The following CRYBG3 variants were observed in gnomAD, a reference collection of about 807,000 sequenced individuals.
CRYBG3 encodes very large A-kinase anchor protein.
In CRYBG3, 127 loss-of-function variants were observed where a neutral mutation model predicts 244.2. That is an observed-to-expected ratio of 0.52 (90% CI 0.45 to 0.60). The LOEUF (loss-of-function observed/expected upper bound fraction) is 0.60, where lower values mean the gene tolerates loss of function less well. Ranked by LOEUF, CRYBG3 falls within the 20% of genes least tolerant of loss-of-function variation. The pLI, the probability that CRYBG3 is intolerant of heterozygous loss-of-function variation, is 0.00. For synonymous variants in CRYBG3, 1,132 were observed against 1,195.8 expected, an observed-to-expected ratio of 0.95 and a Z score of 1.10; for missense variants, 3,325 against 3,442.5, an observed-to-expected ratio of 0.97 and a Z score of 0.85.
chr3:97,914,435 G>A (rs1438941850), intron 16 of CRYBG3, among the ~76,000 whole-genome samples: 3 of 152,068 alleles, frequency 2.0e-5, no homozygotes, highest in Admixed American at 2.0e-4. Context: ...TGAATTCTAG[G>A]ACAAACTAGT....
chr3:97,907,075 C>T (rs1422787900), intron 15 of CRYBG3, among the ~76,000 whole-genome samples: 1 of 152,234 alleles, frequency 6.6e-6, no homozygotes, highest in African/African-American at 2.4e-5. Flanking sequence ...TTGAAACAGC[C>T]TTGCATCCCA....
chr3:97,915,557 T>A (rs774073203), intron 16 of CRYBG3, 53 bp from the exon 17 acceptor site: 1 of 1,568,898 alleles, frequency 6.4e-7, no homozygotes, highest in African/African-American at 1.4e-5. Flanking sequence ...ATAATGAGCC[T>A]ATACTGCCAA....
At chr3:97,893,630 C>T (rs34729093) in intron 11 of CRYBG3, among the ~76,000 whole-genome samples, 36,686 of 152,184 alleles carry the variant, frequency 0.24, 4,756 homozygotes, top group Middle Eastern at 0.33. Context: ...AAGAAACTGT[C>T]CTCATTGTTT....
intron 4 of CRYBG3, among the ~76,000 whole-genome samples, chr3:97,878,981 G>A (rs2039415090): frequency 6.6e-6 from 1 of 152,034 alleles, no homozygotes; most frequent in Admixed American, 6.6e-5. Flanking sequence ...GATGTCCAAG[G>A]CCTGTATTTT....
At chr3:97,868,721 A>G (rs2039266295) in intron 3 of CRYBG3, among the ~76,000 whole-genome samples, 3 of 152,154 alleles carry the variant, frequency 2.0e-5, no homozygotes, top group Admixed American at 1.3e-4. Flanking sequence ...TATTATAGTG[A>G]GTTGAAATTT....
At chr3:97,913,628 T>C (rs1575961959) in intron 16 of CRYBG3, among the ~76,000 whole-genome samples, 1 of 152,180 alleles carries the variant, frequency 6.6e-6, no homozygotes, top group East Asian at 1.9e-4. Context: ...TTATAGGCTG[T>C]TTGAAAACAA....
intron 2 of CRYBG3, among the ~76,000 whole-genome samples, chr3:97,863,100 A>T (rs2039173744): frequency 6.6e-6 from 1 of 152,160 alleles, no homozygotes; most frequent in South Asian, 2.1e-4. Flanking sequence ...CTTATAAAAC[A>T]TTGTCATGTG....
chr3:97,915,885 CTGAGGTTCATTCA>C, intron 17 of CRYBG3, 149 bp downstream of exon 17: 1 of 650,804 alleles, frequency 1.5e-6, no homozygotes. Context: ...AATCGTAAAA[CTGAGGTTCATTCA>C]TGAACTCCAA....
chr3:97,937,461 T>C (rs142658991), intron 19 of CRYBG3, among the ~76,000 whole-genome samples: 24 of 152,238 alleles, frequency 1.6e-4, no homozygotes, highest in African/African-American at 5.8e-4. Context: ...ACTTTTAACA[T>C]GGGCTGCACC....
chr3:97,873,640 G>T lies in CRYBG3; in HGVS notation c.2446G>T (p.Ala816Ser), dbSNP rs2039332798. The change falls in exon 4 of 22, where the codon GCT (alanine) becomes TCT (serine). Residue 816 changes from alanine to serine, a missense_variant. This residue lies in a region of CRYBG3 where 1,526 missense variants were observed against 1,443.2 expected (regional missense o/e 1.06). Transcript: ENST00000389622. ...CAAAACTGCTAACATTGTATCAAAA[G>T]CTGAAATTGATGGTCAGAACAATGT... ...EAKTANIVSK[A>S]EIDGQNNVLV... The T allele has an allele frequency of 6.5e-7, 1 of 1,534,674 alleles. No homozygotes were observed. Among genetic ancestry groups the T allele is most frequent in the African/African-American group, 1.4e-5 (1 of 73,070 alleles).
At chr3:97,900,366 A>G (rs950383374) in intron 14 of CRYBG3, 87 bp from the exon 15 acceptor site, 3 of 854,604 alleles carry the variant, frequency 3.5e-6, no homozygotes, top group Non-Finnish European at 5.6e-6. Context: ...AAAGAAAAAA[A>G]AATTTTTTTC....
chr3:97,877,406 T>C lies in CRYBG3; in HGVS notation c.6212T>C (p.Leu2071Ser). 1 of 1,614,160 alleles carries C rather than the reference T, an allele frequency of 6.2e-7. No individual in the cohort carries two copies. The highest frequency in any genetic ancestry group is 8.5e-7 in the Non-Finnish European group (1 of 1,180,016). The change falls in exon 4 of 22, where the codon TTA becomes TCA. Residue 2071 changes from leucine (L) to serine (S), a missense_variant. Around this residue, in one of 4 missense-constraint regions of CRYBG3, gnomAD observed 450 missense variants for 424.1 expected, o/e 1.06. Transcript: ENST00000389622. Reference protein sequence around the residue: ...TFDSDSSEMFLSVEAKRYKIY... With the variant: ...TFDSDSSEMFSSVEAKRYKIY... ...GATAGTGATAGTTCAGAAATGTTCT[T>C]ATCAGTGGAGGCCAAAAGGTACAAA...
At chr3:97,905,385 T>C (rs10935144) in intron 15 of CRYBG3, among the ~76,000 whole-genome samples, 9 of 151,306 alleles carry the variant, frequency 5.9e-5, no homozygotes, top group African/African-American at 1.2e-4. Flanking sequence ...TCCTATTTCT[T>C]CACATCCTCT....
chr3:97,934,775 C>G (rs1390461770), intron 18 of CRYBG3, among the ~76,000 whole-genome samples: 2 of 152,188 alleles, frequency 1.3e-5, no homozygotes, highest in African/African-American at 4.8e-5. Flanking sequence ...TTTATTCTAT[C>G]TAAGCATAAG....
chr3:97,882,724 G>T (rs1453272774), intron 7 of CRYBG3, among the ~76,000 whole-genome samples: 1 of 152,158 alleles, frequency 6.6e-6, no homozygotes, highest in Non-Finnish European at 1.5e-5. Flanking sequence ...AAACTATCAT[G>T]ATGACTTGGA....
chr3:97,829,643 T>C lies in CRYBG3; in HGVS notation c.149+7288T>C, dbSNP rs143876819. Among the ~76,000 whole-genome samples, 430 of 152,366 alleles carry C rather than the reference T, an allele frequency of 2.8e-3. 1 individual carries two copies. Among genetic ancestry groups the C allele is most frequent in the Middle Eastern group, 0.014 (4 of 294 alleles). On this transcript the variant is annotated intron_variant, in intron 1 of 21. Coordinates refer to ENST00000389622, the MANE Select transcript of CRYBG3 (RefSeq NM_153605.4). ...TTTGGTTAATTCTTCCATGTGATCC[T>C]AACATTTTGGTTATTTGATTTGAAA...
Position 97,872,836 on chromosome 3 carries a change from C to G in CRYBG3, c.1642C>G (p.Pro548Ala). Residue 548 changes from proline (P) to alanine (A), a missense_variant, in exon 4 of 22, where the codon CCA becomes GCA. Pro to Ala is a conservative substitution (Grantham distance 27). This residue lies in a region of CRYBG3 where 1,526 missense variants were observed against 1,443.2 expected (regional missense o/e 1.06). Coordinates refer to ENST00000389622, the MANE Select transcript of CRYBG3 (RefSeq NM_153605.4). ...CATAGCTTCAAGTCATGTAAAAGCT[C>G]CAGAAGATAAAATTGAGTCATTACC... The part of the protein sequence containing the change: ...ESIASSHVKA[P>A]EDKIESLPKD... 2 of 1,535,882 alleles carry G rather than the reference C, an allele frequency of 1.3e-6. No homozygotes were observed. Among genetic ancestry groups the G allele is most frequent in the South Asian group, 2.4e-5 (2 of 84,040 alleles).
chr3:97,864,561 A>G lies in CRYBG3; in HGVS notation c.561A>G (p.Glu187=), dbSNP rs2039197690. The change falls in exon 3 of 22, where the codon GAA becomes GAG. Residue 187 remains glutamate (E), a synonymous_variant. Coordinates refer to ENST00000389622, the MANE Select transcript of CRYBG3 (RefSeq NM_153605.4). ...SLRTQTHPTE[E]QDSNSSELSD... Reference sequence around the variant, plus strand: ...GAACCCAGACACATCCAACAGAAGAACAAGACTCTAACTCATCCGAACTCT... The same window carrying G: ...GAACCCAGACACATCCAACAGAAGAGCAAGACTCTAACTCATCCGAACTCT... 4 of 1,535,840 alleles carry G rather than the reference A, an allele frequency of 2.6e-6. No individual in the cohort carries two copies. In the African/African-American group the frequency reaches 4.1e-5, roughly 16 times the overall value.
intron 1 of CRYBG3, among the ~76,000 whole-genome samples, chr3:97,824,333 CTT>C (rs1348788876): frequency 2.0e-5 from 3 of 152,120 alleles, no homozygotes; most frequent in Non-Finnish European, 4.4e-5. Flanking sequence ...GGCATAAAAA[CTT>C]TTATCATTAT....
Sources: allele counts gnomAD v4.1 joint callset (sites outside exome capture counted in the v4.1 genomes callset), GRCh38; gene constraint gnomAD v4.1.1; regional missense constraint gnomAD v4.1.1; transcripts MANE v1.5; gene names NCBI Gene and HGNC (gene_info 2026-07-23, HGNC 2026-07-21).